Variants in ESR1 observed in about 807,000 individuals in gnomAD.
ESR1 encodes estrogen receptor.
Under a neutral mutation model 52.7 loss-of-function variants are expected in ESR1, and 12 were observed. The observed-to-expected ratio is 0.23, with a 90% CI of 0.15 to 0.37. ESR1 has a LOEUF of 0.37. ESR1 is among the 10% of genes least tolerant of loss of function. The probability of loss-of-function intolerance (pLI) is 1.00; values close to 1 mark genes in which losing one functional copy is unlikely to be tolerated. For missense variants in ESR1, 584 were observed against 779.7 expected, an observed-to-expected ratio of 0.75 and a Z score of 2.99; for synonymous variants, 305 against 316.8, an observed-to-expected ratio of 0.96 and a Z score of 0.39.
chr6:151,957,228 G>A (rs1043293499), intron 4 of ESR1, among the ~76,000 whole-genome samples: 2 of 151,978 alleles, frequency 1.3e-5, no homozygotes, highest in African/African-American at 2.4e-5. Context: ...GCCATTGGGC[G>A]ACCCAGTCCC....
At chr6:152,078,968 A>G (rs1182771733) in intron 6 of ESR1, among the ~76,000 whole-genome samples, 1 of 152,230 alleles carries the variant, frequency 6.6e-6, no homozygotes, top group Non-Finnish European at 1.5e-5. Context: ...AGCGTAAACA[A>G]AGCAGCAGGG....
At chr6:151,714,594 C>T (rs1235003667) in intron 2 of ESR1, among the ~76,000 whole-genome samples, 1 of 151,956 alleles carries the variant, frequency 6.6e-6, no homozygotes, top group Admixed American at 6.6e-5. Flanking sequence ...TATGTAATGC[C>T]CTTCTTTGTC....
intron 1 of ESR1, among the ~76,000 whole-genome samples, chr6:151,663,256 A>T (rs966045568): frequency 3.3e-5 from 5 of 152,378 alleles, no homozygotes; most frequent in African/African-American, 1.2e-4. Context: ...TTATTAATTA[A>T]TGGCCTATAG....
At chr6:151,802,659 T>C (rs1203740808), upstream of ESR1, among the ~76,000 whole-genome samples, 2 of 152,210 alleles carry the variant, frequency 1.3e-5, no homozygotes, top group Non-Finnish European at 2.9e-5. Flanking sequence ...ATGGCCTCAG[T>C]TGGCATGAAG....
Position 151,670,987 on chromosome 6 carries a change from C to T in ESR1, n.73+14224C>T, listed in dbSNP as rs937829695. Among the ~76,000 whole-genome samples, 19 of 151,918 alleles carry T rather than the reference C, an allele frequency of 1.3e-4. 1 individual carries two copies. The highest frequency in any genetic ancestry group is 9.8e-4 in the Admixed American group (15 of 15,246). Reference sequence around the variant, plus strand: ...TTCACCGTGTTGACCAGGCTGGTCTCGAACTCCTGGCCCCAAGTGATCTGC... The same window carrying T: ...TTCACCGTGTTGACCAGGCTGGTCTTGAACTCCTGGCCCCAAGTGATCTGC... On this transcript the variant is annotated intron_variant and non_coding_transcript_variant, in intron 1 of 2. Transcript: ENST00000473497.
intron 3 of ESR1, among the ~76,000 whole-genome samples, chr6:151,926,738 TTTG>T (rs970657197): frequency 7.9e-5 from 12 of 152,172 alleles, no homozygotes; most frequent in Middle Eastern, 3.4e-3. Flanking sequence ...CAGGGGAGAT[TTTG>T]TTGTTGTTGT....
In ESR1 at chr6:152,012,885, A is replaced by C. The variant is rs1398195632; in HGVS notation, c.1235+1091A>C. ...GTACTTTACTTCAGAGCATTTCACT[A>C]TCTTTCTACACCTGCCAAGTGCCTG... On this transcript the variant is annotated intron_variant, in intron 5 of 7. Transcript: ENST00000206249. 2.0e-5 allele frequency among the ~76,000 whole-genome samples: 3 copies of C among 152,216 alleles called. No homozygotes were observed. In the East Asian group the frequency reaches 5.8e-4, roughly 29 times the overall value.
rs149373494 is a variant in ESR1 at position 152,113,574 on chromosome 6, TTGTG to T, written c.851-11670_851-11667del. On this transcript the variant is annotated intron_variant, in intron 6 of 6. Transcript: ENST00000427531. ...ATTTGTGAAGAGGGAAGATCTCATA[TTGTG>T]TGTGTGTGTGTGTGTGTGTGTTTAA... 5.3e-3 allele frequency among the ~76,000 whole-genome samples: 796 copies of T among 149,300 alleles called. 6 individuals are homozygous for T. The highest frequency in any genetic ancestry group is 0.018 in the African/African-American group (724 of 40,896).
Position 152,081,853 on chromosome 6 carries a change from G to A in ESR1, c.1370-12532G>A, listed in dbSNP as rs568919935. Among the ~76,000 whole-genome samples, 660 of 152,230 alleles carry A rather than the reference G, an allele frequency of 4.3e-3. 3 individuals carry two copies. The highest frequency in any genetic ancestry group is 0.015 in the African/African-American group (638 of 41,558). On this transcript the variant is annotated intron_variant, in intron 6 of 7. Coordinates refer to ENST00000206249, the MANE Select transcript of ESR1 (RefSeq NM_000125.4). ...CAGAGAATACTATAAACTCCTCTAC[G>A]CAAATAAACTGGAAAATCTAGAAGA...
At chr6:152,066,455 C>A (rs571636704) in intron 6 of ESR1, among the ~76,000 whole-genome samples, 11 of 152,170 alleles carry the variant, frequency 7.2e-5, no homozygotes, top group Non-Finnish European at 1.3e-4. Context: ...CTGACAGGAA[C>A]GGCCCTTGGA....
chr6:152,107,112 T>C (rs115040513), downstream of ESR1, among the ~76,000 whole-genome samples: 228 of 152,278 alleles, frequency 1.5e-3, 1 homozygote, highest in African/African-American at 5.2e-3. Flanking sequence ...TCACTGAACC[T>C]CTTGAATGTG....
chr6:152,105,426 ATTTT>A (rs10717810), downstream of ESR1, among the ~76,000 whole-genome samples: 3 of 138,210 alleles, frequency 2.2e-5, no homozygotes, highest in Non-Finnish European at 3.1e-5. Context: ...TCCTCTGTTA[ATTTT>A]TTTTTTTTTT....
intron 2 of ESR1, among the ~76,000 whole-genome samples, chr6:151,788,325 A>G (rs1787212847): frequency 6.6e-6 from 1 of 152,196 alleles, no homozygotes; most frequent in Admixed American, 6.5e-5. Context: ...CAGAAGACAT[A>G]CATGTGGCCA....
At chr6:151,877,632 T>G (rs1392842280) in intron 2 of ESR1, among the ~76,000 whole-genome samples, 4 of 152,212 alleles carry the variant, frequency 2.6e-5, no homozygotes, top group African/African-American at 7.2e-5. Flanking sequence ...CTACAGTGGA[T>G]GGCCAGTGCA....
chr6:151,973,532 A>G (rs912776189), intron 4 of ESR1, among the ~76,000 whole-genome samples: 4 of 152,180 alleles, frequency 2.6e-5, no homozygotes, highest in Non-Finnish European at 5.9e-5. Flanking sequence ...GGAAACACAA[A>G]GCTGTCACTG....
chr6:152,115,605 G>T (rs1318040682), intron 6 of ESR1, among the ~76,000 whole-genome samples: 1 of 152,100 alleles, frequency 6.6e-6, no homozygotes, highest in African/African-American at 2.4e-5. Context: ...ACATAAAAAT[G>T]AAACTTTCTG....
intron 2 of ESR1, among the ~76,000 whole-genome samples, chr6:151,747,168 A>C (rs1783546071): frequency 6.6e-6 from 1 of 152,220 alleles, no homozygotes; most frequent in Non-Finnish European, 1.5e-5. Flanking sequence ...GTCAATTAGT[A>C]GTTCATAAAT....
chr6:151,893,074 G>A (rs1053313648), intron 3 of ESR1, among the ~76,000 whole-genome samples: 30 of 152,252 alleles, frequency 2.0e-4, no homozygotes, highest in African/African-American at 6.5e-4. Context: ...GCCTGTAGTC[G>A]CAGCTACTCG....
chr6:151,901,726 T>G (rs1351509796), intron 3 of ESR1, among the ~76,000 whole-genome samples: 1 of 152,226 alleles, frequency 6.6e-6, no homozygotes, highest in Non-Finnish European at 1.5e-5. Context: ...TGAGGGTGTG[T>G]GTTCGGGGGT....
Sources: gnomAD v4.1 joint callset for allele counts (sites outside exome capture counted in the v4.1 genomes callset) on GRCh38, gnomAD v4.1.1 for gene constraint, MANE v1.5 for transcripts, NCBI Gene and HGNC (gene_info 2026-07-23, HGNC 2026-07-21) for gene names.